The following PACRG variants were observed in gnomAD, a reference collection of about 807,000 sequenced individuals.
PACRG encodes the protein parkin coregulated gene protein.
PACRG carries 29 observed loss-of-function variants against 29.7 expected under a neutral mutation model. The observed-to-expected ratio is 0.98, with a 90% CI of 0.73 to 1.33. The LOEUF (loss-of-function observed/expected upper bound fraction) is 1.33, where lower values mean the gene tolerates loss of function less well. Ranked by LOEUF, PACRG falls within the 40% of genes most tolerant of loss-of-function variation. The pLI is 0.00. For missense variants in PACRG, 279 were observed against 316.2 expected (o/e 0.88, Z 0.89); for synonymous variants, 116 against 118.7 (o/e 0.98, Z 0.15).
chr6:163,299,467 G>A (rs545736381), intron 4 of PACRG, among the ~76,000 whole-genome samples: 77 of 152,276 alleles, frequency 5.1e-4, no homozygotes, highest in African/African-American at 5.8e-4. Flanking sequence ...AGTGGAGGAC[G>A]GAGTTGGCGT....
At chr6:162,766,447 A>AC (rs1356140668) in intron 1 of PACRG, among the ~76,000 whole-genome samples, 1 of 152,086 alleles carries the variant, frequency 6.6e-6, no homozygotes, top group Admixed American at 6.6e-5. Context: ...CACATTTAAA[A>AC]AAATCTATTG....
chr6:163,113,361 C>G (rs942536675), intron 4 of PACRG, among the ~76,000 whole-genome samples: 1 of 152,076 alleles, frequency 6.6e-6, no homozygotes, highest in Non-Finnish European at 1.5e-5. Flanking sequence ...TGAAAACTTT[C>G]TAAATATGAT....
At chr6:163,274,380 C>G (rs1429893140) in intron 4 of PACRG, among the ~76,000 whole-genome samples, 2 of 152,166 alleles carry the variant, frequency 1.3e-5, no homozygotes, top group African/African-American at 4.8e-5. Flanking sequence ...TTTATGGCTG[C>G]ATAGTGTTCC....
chr6:163,266,049 T>G (rs888449645), intron 4 of PACRG, among the ~76,000 whole-genome samples: 28 of 152,178 alleles, frequency 1.8e-4, no homozygotes, highest in Non-Finnish European at 2.9e-5. Flanking sequence ...TCCTAAAAAG[T>G]CATTTGTGTT....
chr6:163,092,427 A>G (rs1814195514), intron 4 of PACRG, among the ~76,000 whole-genome samples: 1 of 152,228 alleles, frequency 6.6e-6, no homozygotes, highest in Non-Finnish European at 1.5e-5. Flanking sequence ...CAGAGCAATG[A>G]AAACTTAGAG....
At chr6:163,227,921 T>G (rs1281324876) in intron 4 of PACRG, among the ~76,000 whole-genome samples, 3 of 152,106 alleles carry the variant, frequency 2.0e-5, no homozygotes, top group Admixed American at 2.0e-4. Context: ...AAAAACTAAT[T>G]TCAGCTTAGA....
intron 4 of PACRG, among the ~76,000 whole-genome samples, chr6:163,222,447 G>A (rs1448091955): frequency 1.3e-5 from 2 of 152,202 alleles, no homozygotes; most frequent in Non-Finnish European, 2.9e-5. Flanking sequence ...AGGTGTGGTG[G>A]CAGGTGCCTG....
At chr6:163,063,967 A>G (rs773887208) in intron 3 of PACRG, among the ~76,000 whole-genome samples, 6 of 152,104 alleles carry the variant, frequency 3.9e-5, no homozygotes, top group Non-Finnish European at 7.3e-5. Flanking sequence ...GAACTGCTAC[A>G]TTTCTAAAGG....
chr6:163,096,087 G>A (rs1446445229), intron 4 of PACRG, among the ~76,000 whole-genome samples: 3 of 152,180 alleles, frequency 2.0e-5, no homozygotes, highest in African/African-American at 7.2e-5. Context: ...AGCAGGAAGG[G>A]TTTGTTTAGT....
intron 4 of PACRG, among the ~76,000 whole-genome samples, chr6:163,200,047 A>C (rs897548931): frequency 6.6e-6 from 1 of 152,148 alleles, no homozygotes; most frequent in African/African-American, 2.4e-5. Context: ...TGACCCTAAA[A>C]AGTGACTCTG....
At chr6:163,256,046 T>C (rs764689681) in intron 4 of PACRG, among the ~76,000 whole-genome samples, 7 of 152,262 alleles carry the variant, frequency 4.6e-5, no homozygotes, top group Non-Finnish European at 7.3e-5. Context: ...CTTTGAAAGT[T>C]ATTATCCTTC....
chr6:162,861,232 G>T (rs958690943), intron 2 of PACRG, among the ~76,000 whole-genome samples: 1 of 152,036 alleles, frequency 6.6e-6, no homozygotes, highest in Non-Finnish European at 1.5e-5. Context: ...AGAATTTCTT[G>T]GTAACCATTT....
Position 163,269,847 on chromosome 6 carries a change from A to AAGAAAGAAAGAAAG in PACRG, c.614-44969_614-44968insAAGAGAAAGAAAGA, listed in dbSNP as rs1562349402. On this transcript the variant is annotated intron_variant, in intron 4 of 4. Transcript: ENST00000366888. Reference sequence around the variant, plus strand: ...AGAAAGAAAGAAAGAAAAAGAAAGAAAGAAAGAAAGAGAAAGAAAGAGAAA... The same window carrying AAGAAAGAAAGAAAG: ...AGAAAGAAAGAAAGAAAAAGAAAGAAAGAAAGAAAGAAAGAGAAAGAAAGAGAAAGAAAGAGAAA... 8.4e-4 allele frequency among the ~76,000 whole-genome samples: 55 copies of AAGAAAGAAAGAAAG among 65,544 alleles called. 8 individuals are homozygous for AAGAAAGAAAGAAAG. Among genetic ancestry groups the AAGAAAGAAAGAAAG allele is most frequent in the South Asian group, 9.7e-4 (2 of 2,060 alleles). The allele number at this position is 65,544 out of a possible 152,430, so 43.0% of individuals were successfully genotyped here.
intron 1 of PACRG, among the ~76,000 whole-genome samples, chr6:162,799,818 T>C (rs772040280): frequency 9.9e-5 from 15 of 152,206 alleles, no homozygotes; most frequent in Non-Finnish European, 1.0e-4. Flanking sequence ...TCTTAATAGA[T>C]ACAAAAATAA....
chr6:163,132,028 T>C (rs996418248), intron 4 of PACRG, among the ~76,000 whole-genome samples: 6 of 152,228 alleles, frequency 3.9e-5, no homozygotes, highest in Non-Finnish European at 8.8e-5. Context: ...GTGGTGTTAT[T>C]TCAGAAAGAT....
intron 2 of PACRG, among the ~76,000 whole-genome samples, chr6:163,002,342 G>A (rs1053284242): frequency 6.6e-6 from 1 of 152,054 alleles, no homozygotes; most frequent in Non-Finnish European, 1.5e-5. Context: ...CTTGATTGAC[G>A]GTCAGTCAGA....
At chr6:163,282,464 A>G (rs889435952) in intron 4 of PACRG, among the ~76,000 whole-genome samples, 2 of 152,218 alleles carry the variant, frequency 1.3e-5, no homozygotes, top group Admixed American at 1.3e-4. Context: ...TAATCCCAGT[A>G]CTTTGGGAGG....
At chr6:162,921,740 C>T (rs1797080333) in intron 2 of PACRG, among the ~76,000 whole-genome samples, 1 of 152,122 alleles carries the variant, frequency 6.6e-6, no homozygotes, top group African/African-American at 2.4e-5. Flanking sequence ...GTAATTATTA[C>T]TGAGACATGT....
chr6:162,731,215 T>G (rs192400293), intron 1 of PACRG, among the ~76,000 whole-genome samples: 8 of 152,278 alleles, frequency 5.3e-5, no homozygotes, highest in Admixed American at 5.2e-4. Context: ...GTGTTGACAT[T>G]ACACTCAAAG....
Sources: allele counts gnomAD v4.1 joint callset (sites outside exome capture counted in the v4.1 genomes callset), GRCh38; gene constraint gnomAD v4.1.1; transcripts MANE v1.5; gene names NCBI Gene and HGNC (gene_info 2026-07-23, HGNC 2026-07-21).